Variants in NAGLU observed in about 807,000 individuals in gnomAD.
NAGLU encodes the protein N-acetyl-alpha-glucosaminidase, also known as alpha-N-acetylglucosaminidase.
A neutral mutation model predicts 43.4 loss-of-function variants in NAGLU; 34 were observed. That is an observed-to-expected ratio of 0.78 (90% CI 0.60 to 1.04). The LOEUF (loss-of-function observed/expected upper bound fraction) is 1.04. Among genes scored for constraint, NAGLU ranks in the 50% least tolerant of loss-of-function variants. The pLI, the probability that NAGLU is intolerant of heterozygous loss-of-function variation, is 0.00. For missense variants in NAGLU, 910 were observed against 993.7 expected (o/e 0.92, Z 1.13); for synonymous variants, 425 against 437.6 (o/e 0.97, Z 0.36).
intron 5 of NAGLU, among the ~76,000 whole-genome samples, chr17:42,542,028 G>A (rs554392074): frequency 5.9e-5 from 9 of 152,078 alleles, no homozygotes; most frequent in African/African-American, 2.2e-4. Flanking sequence ...AGCCTCCCGA[G>A]TAGCTGGGAC....
In NAGLU at chr17:42,543,961, A is replaced by G; in HGVS notation, c.1955A>G (p.Glu652Gly). The G allele has an allele frequency of 6.2e-7, 1 of 1,610,284 alleles. No individual in the cohort carries two copies. Among genetic ancestry groups the G allele is most frequent in the Non-Finnish European group, 8.5e-7 (1 of 1,178,288 alleles). Residue 652 changes from glutamate to glycine, a missense_variant, in exon 6 of 6, where the codon GAA becomes GGA. Transcript: ENST00000225927. ...SRYQLTLWGP[E>G]GNILDYANKQ... The stretch of plus-strand genomic sequence containing the variant: ...TACCAGCTGACCTTGTGGGGGCCAG[A>G]AGGCAACATCCTGGACTATGCCAAC...
At chr17:42,539,556 G>A (rs569366535) in intron 4 of NAGLU, among the ~76,000 whole-genome samples, 6 of 152,230 alleles carry the variant, frequency 3.9e-5, no homozygotes, top group Non-Finnish European at 7.3e-5. Flanking sequence ...CTCCCTGCCC[G>A]CCTCTTTGCC....
At chr17:42,538,094 C>T (rs941089491) in intron 2 of NAGLU, among the ~76,000 whole-genome samples, 4 of 152,162 alleles carry the variant, frequency 2.6e-5, no homozygotes, top group Non-Finnish European at 5.9e-5. Context: ...CTTCTAAGGC[C>T]TTCCTGTTGG....
At chr17:42,542,802 C>A (rs1418260231) in intron 5 of NAGLU, among the ~76,000 whole-genome samples, 1 of 152,208 alleles carries the variant, frequency 6.6e-6, no homozygotes. Flanking sequence ...TCAGAAACCT[C>A]CATGTTTTAA....
Position 42,541,087 on chromosome 17 carries a change from AAG to A in NAGLU, c.905_906del (p.Glu302ValfsTer14). 1 of 1,614,146 alleles carries A rather than the reference AAG, an allele frequency of 6.2e-7. No homozygotes were observed. Among genetic ancestry groups the A allele is most frequent in the South Asian group, 1.1e-5 (1 of 91,076 alleles). On this transcript the variant is annotated frameshift_variant, in exon 5 of 6. Coordinates refer to ENST00000225927, the MANE Select transcript of NAGLU (RefSeq NM_000263.4). LOFTEE classifies it high-confidence loss of function. Reference sequence around the variant, plus strand: ...AGCCTCTTCCTGCGAGAGCTGATCAAAGAGTTTGGCACAGACCACATCTATGG... The same window carrying A: ...AGCCTCTTCCTGCGAGAGCTGATCAAAGTTTGGCACAGACCACATCTATGG...
rs554253378 is a variant in NAGLU at position 42,538,583 on chromosome 17, CG to C, written c.679-81del. 10 of 1,612,016 alleles carry C rather than the reference CG, an allele frequency of 6.2e-6. No homozygotes were observed. The Admixed American group carries it at 1.3e-4, about 21-fold the overall frequency. ...CCGGCCCCAGGGCTCTTAACTGAGG[CG>C]GGGGGCTGCGTGTATCCTGGGAGAT... On this transcript the variant is annotated intron_variant, in intron 3 of 5. Transcript: ENST00000225927.
chr17:42,539,315 T>C (rs2092915668), intron 4 of NAGLU, among the ~76,000 whole-genome samples: 1 of 152,256 alleles, frequency 6.6e-6, no homozygotes, highest in African/African-American at 2.4e-5. Context: ...CACAGAGTGC[T>C]AGCAAATGGC....
At chr17:42,542,217 C>A (rs1046135819) in intron 5 of NAGLU, among the ~76,000 whole-genome samples, 1 of 152,092 alleles carries the variant, frequency 6.6e-6, no homozygotes, top group Non-Finnish European at 1.5e-5. Context: ...CGCCCCCCAA[C>A]CACACTCGGC....
chr17:42,543,627 C>A lies in NAGLU; in HGVS notation c.1621C>A (p.Arg541=), dbSNP rs780527821. The A allele has an allele frequency of 5.6e-6, 9 of 1,613,084 alleles. No individual in the cohort carries two copies. The highest frequency in any genetic ancestry group is 1.3e-5 in the African/African-American group (1 of 75,072). The change falls in exon 6 of 6, where the codon CGG becomes AGG. Residue 541 remains arginine, a synonymous_variant. Coordinates refer to ENST00000225927, the MANE Select transcript of NAGLU (RefSeq NM_000263.4). ...CCGATCTGATGTGTTTGAGGCCTGG[C>A]GGCTGCTGCTCACATCTGCTCCCTC... ...YNRSDVFEAW[R]LLLTSAPSLA...
At chr17:42,539,209 A>G (rs1431342628) in intron 4 of NAGLU, among the ~76,000 whole-genome samples, 1 of 152,188 alleles carries the variant, frequency 6.6e-6, no homozygotes, top group Admixed American at 6.5e-5. Context: ...AGATGACATG[A>G]CTGCTCTGTG....
chr17:42,542,307 G>A (rs868711610), intron 5 of NAGLU, among the ~76,000 whole-genome samples: 4 of 151,980 alleles, frequency 2.6e-5, no homozygotes, highest in Non-Finnish European at 5.9e-5. Context: ...CAAATGATTC[G>A]CCCACTTCAG....
intron 1 of NAGLU, 78 bp downstream of exon 1, chr17:42,536,733 C>T: frequency 7.4e-7 from 1 of 1,354,896 alleles, no homozygotes; most frequent in South Asian, 1.7e-5. Context: ...AATCGGGAGG[C>T]TGAGCGGGGA....
intron 5 of NAGLU, among the ~76,000 whole-genome samples, chr17:42,542,410 C>A (rs1211478842): frequency 6.6e-6 from 1 of 152,132 alleles, no homozygotes; most frequent in Non-Finnish European, 1.5e-5. Flanking sequence ...GGTGGCCAGA[C>A]TGGTCTCAAA....
rs375068243 is a variant in NAGLU, at chr17:42,543,912, G to A, written c.1906G>A (p.Asp636Asn). Residue 636 changes from aspartate (D) to asparagine (N), a missense_variant, in exon 6 of 6, where the codon GAT becomes AAT. By Grantham distance (23) the Asp-to-Asn change is conservative. Coordinates refer to ENST00000225927, the MANE Select transcript of NAGLU (RefSeq NM_000263.4). ...AGCGGCAGTCAGTGAGGCCGAGGCC[G>A]ATTTCTACGAGCAGAACAGCCGCTA... ...RAAAVSEAEADFYEQNSRYQL... is the reference protein window; with the variant it reads ...RAAAVSEAEANFYEQNSRYQL... The A allele has an allele frequency of 3.6e-5, 58 of 1,605,978 alleles. 1 individual carries two copies. In the East Asian group the frequency reaches 4.7e-4, roughly 13 times the overall value.
chr17:42,541,950 G>A (rs1412876388), intron 5 of NAGLU, among the ~76,000 whole-genome samples: 2 of 152,002 alleles, frequency 1.3e-5, no homozygotes, highest in Admixed American at 6.6e-5. Flanking sequence ...GCTGAGGCTG[G>A]AGCACAGTGG....
intron 5 of NAGLU, among the ~76,000 whole-genome samples, chr17:42,542,769 T>C (rs1267061372): frequency 1.3e-5 from 2 of 152,244 alleles, no homozygotes; most frequent in Non-Finnish European, 2.9e-5. Flanking sequence ...ACTGGGATTA[T>C]AGGTGTGGGC....
At chr17:42,539,348 G>A (rs373195894) in intron 4 of NAGLU, among the ~76,000 whole-genome samples, 111 of 152,344 alleles carry the variant, frequency 7.3e-4, no homozygotes, top group African/African-American at 2.1e-3. Context: ...TGGCAGCAGG[G>A]GTGCTCCAGT....
rs1218110405 is a variant in NAGLU at position 42,543,562 on chromosome 17, G to C, written c.1556G>C (p.Arg519Thr). 1 of 1,611,998 alleles carries C rather than the reference G, an allele frequency of 6.2e-7. No individual in the cohort carries two copies. Among genetic ancestry groups the C allele is most frequent in the Middle Eastern group, 1.7e-4 (1 of 6,058 alleles). The part of the protein sequence containing the change: ...CRGHNRSPLV[R>T]RPSLQMNTSI... ...GGCCACAATCGTAGCCCGCTGGTCA[G>C]GCGGCCGTCCCTACAGATGAATACC... The change falls in exon 6 of 6, where the codon AGG becomes ACG. Residue 519 changes from arginine to threonine, a missense_variant. Coordinates refer to ENST00000225927, the MANE Select transcript of NAGLU (RefSeq NM_000263.4).
At chr17:42,536,947 TC>T in intron 1 of NAGLU, 2 of 540,876 alleles carry the variant, frequency 3.7e-6, no homozygotes, top group Non-Finnish European at 6.1e-6. Flanking sequence ...CTTGCCTTCC[TC>T]CCCCACCTTC....
Sources: allele counts gnomAD v4.1 joint callset (sites outside exome capture counted in the v4.1 genomes callset), GRCh38; gene constraint gnomAD v4.1.1; transcripts MANE v1.5; gene names NCBI Gene and HGNC (gene_info 2026-07-23, HGNC 2026-07-21).